Variants in COG6 observed in about 807,000 individuals in gnomAD.
The protein encoded by COG6 is component of oligomeric golgi complex 6, also known as conserved oligomeric Golgi complex subunit 6.
In COG6, 74 loss-of-function variants were observed where a neutral mutation model predicts 88.8. That is an observed-to-expected ratio of 0.83 (90% CI 0.69 to 1.01). The LOEUF is 1.01. Ranked by LOEUF, COG6 falls within the 50% of genes least tolerant of loss-of-function variation. The pLI is 0.00. For missense variants in COG6, 800 were observed against 797.9 expected, an observed-to-expected ratio of 1.00 and a Z score of -0.03; for synonymous variants, 286 against 278.7, an observed-to-expected ratio of 1.03 and a Z score of -0.26.
intron 3 of COG6, among the ~76,000 whole-genome samples, chr13:39,661,655 A>T (rs1466485352): frequency 6.6e-6 from 1 of 151,996 alleles, no homozygotes; most frequent in Non-Finnish European, 1.5e-5. Context: ...ATCAGATATT[A>T]TTGGCATGTT....
chr13:39,738,874 A>G (rs1879901762), intron 18 of COG6, among the ~76,000 whole-genome samples: 1 of 152,170 alleles, frequency 6.6e-6, no homozygotes, highest in South Asian at 2.1e-4. Context: ...CAGAGCTGCA[A>G]ATAACATGAA....
At chr13:39,722,673 T>C (rs1280627544) in intron 15 of COG6, among the ~76,000 whole-genome samples, 1 of 150,814 alleles carries the variant, frequency 6.6e-6, no homozygotes, top group Non-Finnish European at 1.5e-5. Flanking sequence ...TTTCAACCCA[T>C]CAAGGTAGTT....
chr13:39,724,623 T>G, intron 17 of COG6, 62 bp downstream of exon 17: 1 of 1,263,256 alleles, frequency 7.9e-7, no homozygotes. Context: ...CTTCATTTTT[T>G]GCTGTGTGAT....
chr13:39,682,539 C>T (rs968283592), intron 8 of COG6: 6 of 340,502 alleles, frequency 1.8e-5, no homozygotes, highest in East Asian at 6.6e-5. Context: ...TTTCCCCTGT[C>T]GTCTCATTAA....
chr13:39,752,628 T>G lies in COG6; in HGVS notation c.*1535T>G. 2 of 1,260,522 alleles carry G rather than the reference T, an allele frequency of 1.6e-6. No individual in the cohort carries two copies. Among genetic ancestry groups the G allele is most frequent in the Non-Finnish European group, 2.0e-6 (2 of 975,610 alleles). The allele number at this position is 1,260,522 out of a possible 1,614,324, so 78.1% of individuals were successfully genotyped here. On this transcript the variant is annotated 3_prime_UTR_variant, in exon 19 of 19. Transcript: ENST00000455146. ...TTTTTCAAATAAAATATTAAAATAT[T>G]TCTAGAGCAGCAATTATTGCAGCTG...
intron 16 of COG6, among the ~76,000 whole-genome samples, 158 bp downstream of exon 16, chr13:39,723,598 G>C (rs1878970295): frequency 6.6e-6 from 1 of 151,954 alleles, no homozygotes. Flanking sequence ...CCTGTGGATT[G>C]GGGGTAATAA....
chr13:39,736,690 T>G (rs1293126196), intron 18 of COG6, among the ~76,000 whole-genome samples: 1 of 152,040 alleles, frequency 6.6e-6, no homozygotes, highest in Non-Finnish European at 1.5e-5. Flanking sequence ...AAACTCCATT[T>G]CAAAAAAACA....
intron 18 of COG6, among the ~76,000 whole-genome samples, chr13:39,783,538 G>A (rs915116500): frequency 1.3e-5 from 2 of 152,046 alleles, no homozygotes; most frequent in African/African-American, 2.4e-5. Context: ...GTCAAGCACT[G>A]TATCTTTTTT....
At position 39,752,245 on chromosome 13, in the gene COG6, A is replaced by T. The variant is rs1880680436; in HGVS notation, c.*1152A>T. 9.9e-7 allele frequency: 1 copy of T among 1,007,108 alleles called. No individual in the cohort carries two copies. The highest frequency in any genetic ancestry group is 1.3e-6 in the Non-Finnish European group (1 of 776,470). The allele number at this position is 1,007,108 out of a possible 1,614,324, so 62.4% of individuals were successfully genotyped here. ...CACAAGGAAAAAAATAACTAGTTTG[A>T]AATATTTTGAAAAGTAATAACATAA... On this transcript the variant is annotated 3_prime_UTR_variant, in exon 19 of 19. Transcript: ENST00000455146.
intron 12 of COG6, among the ~76,000 whole-genome samples, chr13:39,695,730 G>A (rs1877236564): frequency 6.6e-6 from 1 of 151,838 alleles, no homozygotes; most frequent in Admixed American, 6.6e-5. Flanking sequence ...AAACTAACAA[G>A]TCATAGTCTA....
chr13:39,725,108 T>C (rs1457356155), intron 17 of COG6, among the ~76,000 whole-genome samples: 2 of 151,882 alleles, frequency 1.3e-5, no homozygotes, highest in Admixed American at 6.6e-5. Context: ...TATACTTTCC[T>C]CATATGTATA....
intron 13 of COG6, among the ~76,000 whole-genome samples, chr13:39,707,809 G>T (rs1378373647): frequency 6.6e-6 from 1 of 152,084 alleles, no homozygotes; most frequent in Non-Finnish European, 1.5e-5. Flanking sequence ...GGACATTTGG[G>T]ATGTTTCTAG....
intron 18 of COG6, among the ~76,000 whole-genome samples, chr13:39,781,386 C>T (rs917226803): frequency 6.6e-6 from 1 of 151,482 alleles, no homozygotes; most frequent in African/African-American, 2.4e-5. Context: ...TGTTTTTCCC[C>T]TGAAAATATG....
rs775047614 is a variant in COG6, at chr13:39,655,877, A to G, written c.151A>G (p.Lys51Glu). The part of the protein sequence containing the change: ...KILETRLDND[K>E]EMLEALKALS... Reference sequence around the variant, plus strand: ...CCTGGAGACGCGGCTGGACAACGACAAGGTAACCGGGGCTGGCGGGGCCGG... The same window carrying G: ...CCTGGAGACGCGGCTGGACAACGACGAGGTAACCGGGGCTGGCGGGGCCGG... The change falls in exon 1 of 19, where the codon AAG becomes GAG. Residue 51 changes from lysine to glutamate, a missense_variant and splice_region_variant. Coordinates refer to ENST00000455146, the MANE Select transcript of COG6 (RefSeq NM_020751.3). 1 of 1,606,884 alleles carries G rather than the reference A, an allele frequency of 6.2e-7. No individual in the cohort carries two copies. The highest frequency in any genetic ancestry group is 1.1e-5 in the South Asian group (1 of 90,228).
intron 13 of COG6, among the ~76,000 whole-genome samples, chr13:39,711,834 T>C (rs77550126): frequency 0.061 from 9,353 of 152,256 alleles, 384 homozygotes; most frequent in Non-Finnish European, 0.094. Flanking sequence ...TACACACACC[T>C]GTACACATGA....
At chr13:39,732,996 G>A (rs983429605) in intron 18 of COG6, among the ~76,000 whole-genome samples, 7 of 151,852 alleles carry the variant, frequency 4.6e-5, no homozygotes, top group African/African-American at 7.3e-5. Context: ...TAGAAACAGC[G>A]CAGACCAGAA....
In COG6 at chr13:39,751,022, A is replaced by G. The variant is rs776947209; in HGVS notation, c.1903A>G (p.Ile635Val). 8.7e-6 allele frequency: 14 copies of G among 1,613,620 alleles called. No homozygotes were observed. In the African/African-American group the frequency reaches 9.3e-5, roughly 11 times the overall value. Reference sequence around the variant, plus strand: ...AGTGTATGCAGCCGTGATGAATCCAATCAATGAATACAAAGATCCAGAGAA... The same window carrying G: ...AGTGTATGCAGCCGTGATGAATCCAGTCAATGAATACAAAGATCCAGAGAA... ...GEVYAAVMNP[I>V]NEYKDPENIL... Residue 635 changes from isoleucine to valine, a missense_variant, in exon 19 of 19, where the codon ATC becomes GTC. Ile to Val is a conservative substitution (Grantham distance 29). Coordinates refer to ENST00000455146, the MANE Select transcript of COG6 (RefSeq NM_020751.3).
At position 39,660,685 on chromosome 13, in the gene COG6, A is replaced by C. The variant is rs575216043; in HGVS notation, c.298-125A>C. 2.4e-5 allele frequency: 16 copies of C among 665,952 alleles called. No homozygotes were observed. In the African/African-American group the frequency reaches 2.7e-4, roughly 11 times the overall value. The allele number at this position is 665,952 out of a possible 1,614,324, so 41.3% of individuals were successfully genotyped here. Reference sequence around the variant, plus strand: ...AATCATTTCCAATTTTAAATATGGGATCTCTTGTCATGCCTTGACCAAAAA... The same window carrying C: ...AATCATTTCCAATTTTAAATATGGGCTCTCTTGTCATGCCTTGACCAAAAA... On this transcript the variant is annotated intron_variant, in intron 2 of 18. Transcript: ENST00000455146.
chr13:39,724,606 C>A, intron 17 of COG6, 45 bp downstream of exon 17: 2 of 1,360,332 alleles, frequency 1.5e-6, no homozygotes, highest in South Asian at 1.2e-5. Context: ...CCTTATGGAT[C>A]GATAGTCTTC....
Sources: allele counts gnomAD v4.1 joint callset (sites outside exome capture counted in the v4.1 genomes callset), GRCh38; gene constraint gnomAD v4.1.1; transcripts MANE v1.5; gene names NCBI Gene and HGNC (gene_info 2026-07-23, HGNC 2026-07-21).